The following COL4A6 variants were observed in gnomAD, a reference collection of about 807,000 sequenced individuals.
COL4A6 encodes the protein collagen alpha-6(IV) chain.
COL4A6 carries 59 observed loss-of-function variants against 126.7 expected under a neutral mutation model. The observed-to-expected ratio is 0.47, with a 90% confidence interval of 0.38 to 0.58. COL4A6 has a LOEUF of 0.58. COL4A6 is among the 20% of genes least tolerant of loss of function. COL4A6 has a pLI of 0.00. For synonymous variants in COL4A6, 547 were observed against 496.6 expected, an observed-to-expected ratio of 1.10 and a Z score of -1.35; for missense variants, 1,285 against 1,337.3, an observed-to-expected ratio of 0.96 and a Z score of 0.61.
intron 2 of COL4A6, among the ~76,000 whole-genome samples, chrX:108,417,534 C>T (rs922438616): frequency 1.8e-5 from 2 of 111,808 alleles, no homozygotes; most frequent in Non-Finnish European, 3.8e-5. Flanking sequence ...AAGCCTCTTA[C>T]TGCCACTGAA....
intron 2 of COL4A6, among the ~76,000 whole-genome samples, chrX:108,417,829 C>T (rs1046051210): frequency 9.0e-6 from 1 of 111,702 alleles, no homozygotes; most frequent in African/African-American, 3.3e-5. Context: ...AGTGGTATTT[C>T]TCATCCTTCA....
intron 2 of COL4A6, among the ~76,000 whole-genome samples, chrX:108,317,106 T>C (rs752593870): frequency 1.4e-3 from 153 of 112,315 alleles, no homozygotes; most frequent in Non-Finnish European, 2.7e-3. Context: ...GGATGATGGA[T>C]GTTTATAACA....
intron 3 of COL4A6, among the ~76,000 whole-genome samples, chrX:108,260,030 G>A (rs1477104394): frequency 9.1e-6 from 1 of 110,272 alleles, no homozygotes; most frequent in Non-Finnish European, 1.9e-5. Flanking sequence ...CTTATCATGA[G>A]TGTCGTATGC....
intron 2 of COL4A6, among the ~76,000 whole-genome samples, chrX:108,328,680 T>C (rs754466562): frequency 3.6e-5 from 4 of 111,958 alleles, no homozygotes; most frequent in Non-Finnish European, 5.6e-5. Flanking sequence ...AAATTAGAAA[T>C]AGAACTACTT....
intron 3 of COL4A6, among the ~76,000 whole-genome samples, chrX:108,280,763 G>A (rs1228398546): frequency 1.7e-3 from 192 of 111,147 alleles, no homozygotes; most frequent in Non-Finnish European, 2.8e-3. Context: ...CTGGCAAACC[G>A]AATCCAGCAG....
chrX:108,223,035 G>A (rs1768994065), intron 3 of COL4A6, among the ~76,000 whole-genome samples: 1 of 111,874 alleles, frequency 8.9e-6, no homozygotes, highest in South Asian at 3.8e-4. Flanking sequence ...TATACACCAT[G>A]GAATACTATG....
At chrX:108,420,897 A>G (rs1170733702) in intron 2 of COL4A6, among the ~76,000 whole-genome samples, 1 of 112,093 alleles carries the variant, frequency 8.9e-6, no homozygotes, top group Non-Finnish European at 1.9e-5. Flanking sequence ...CAAAAAGCTG[A>G]ATAAACAAGC....
chrX:108,159,039 G>C (rs1194825399), intron 44 of COL4A6, among the ~76,000 whole-genome samples: 2 of 111,754 alleles, frequency 1.8e-5, no homozygotes, highest in African/African-American at 6.5e-5. Context: ...GCAGAGGCCA[G>C]AGGGATCTGG....
rs2034585725 is a variant in COL4A6 at position 108,178,855 on chromosome X, G to A, written c.2354-10C>T. On this transcript the variant is annotated splice_polypyrimidine_tract_variant and intron_variant, in intron 26 of 44. Transcript: ENST00000334504. ...GGCTTCCCGTGCACACCTGATAAAA[G>A]AAAAGGGCAAATGATCACAGCCTGG... is the stretch of plus-strand genomic sequence containing the variant. 8.3e-6 allele frequency: 10 copies of A among 1,200,726 alleles called. No individual in the cohort carries two copies. The highest frequency in any genetic ancestry group is 1.1e-5 in the Non-Finnish European group (10 of 891,331).
intron 3 of COL4A6, among the ~76,000 whole-genome samples, chrX:108,239,805 AT>A (rs1165393008): frequency 1.8e-5 from 2 of 112,406 alleles, no homozygotes; most frequent in Non-Finnish European, 3.8e-5. Context: ...TCTTTGCAGC[AT>A]TTCTCAAATT....
intron 2 of COL4A6, among the ~76,000 whole-genome samples, chrX:108,316,103 C>T (rs2038875695): frequency 8.9e-6 from 1 of 111,787 alleles, no homozygotes; most frequent in African/African-American, 3.3e-5. Flanking sequence ...AAAAGGTAAC[C>T]CAGGAAGCAA....
chrX:108,252,826 C>T (rs1478681781), intron 3 of COL4A6, among the ~76,000 whole-genome samples: 1 of 111,608 alleles, frequency 9.0e-6, no homozygotes, highest in Non-Finnish European at 1.9e-5. Context: ...GGATTCTTCC[C>T]AGGGATGCAA....
intron 6 of COL4A6, among the ~76,000 whole-genome samples, chrX:108,212,104 C>T (rs1005297746): frequency 9.0e-6 from 1 of 111,448 alleles, no homozygotes; most frequent in Non-Finnish European, 1.9e-5. Flanking sequence ...CTGACAGAAC[C>T]TTTGTCTAGG....
At chrX:108,408,932 G>C (rs1390785469) in intron 2 of COL4A6, among the ~76,000 whole-genome samples, 1 of 112,009 alleles carries the variant, frequency 8.9e-6, no homozygotes, top group African/African-American at 3.2e-5. Flanking sequence ...TTGCACTCCA[G>C]CCTGGACAAC....
chrX:108,175,056 G>C (rs2034436032), intron 30 of COL4A6, 34 bp downstream of exon 30: 1 of 1,147,864 alleles, frequency 8.7e-7, no homozygotes, highest in African/African-American at 1.8e-5. Flanking sequence ...AGCCTCTCTT[G>C]AGCATTTCTC....
At chrX:108,178,536 T>G in intron 27 of COL4A6, 148 bp downstream of exon 27, 32 of 561,785 alleles carry the variant, frequency 5.7e-5, no homozygotes, top group Non-Finnish European at 8.2e-5. Flanking sequence ...AAGGGTGACT[T>G]GAGATTTGAA....
At chrX:108,277,761 C>T (rs1211307949) in intron 3 of COL4A6, among the ~76,000 whole-genome samples, 2 of 111,679 alleles carry the variant, frequency 1.8e-5, no homozygotes, top group Non-Finnish European at 3.8e-5. Context: ...CAGACTGACA[C>T]CTCACATGGC....
intron 3 of COL4A6, among the ~76,000 whole-genome samples, chrX:108,254,787 T>A (rs945872410): frequency 9.1e-6 from 1 of 110,389 alleles, no homozygotes. Flanking sequence ...GTTTTGCTTA[T>A]CTTGGGGGAA....
chrX:108,336,338 A>G (rs2039431746), intron 2 of COL4A6, among the ~76,000 whole-genome samples: 1 of 112,286 alleles, frequency 8.9e-6, no homozygotes, highest in Admixed American at 9.4e-5. Context: ...TGAAATTCTG[A>G]TACATATTAC....
Sources: allele counts gnomAD v4.1 joint callset (sites outside exome capture counted in the v4.1 genomes callset), GRCh38; gene constraint gnomAD v4.1.1; transcripts MANE v1.5; gene names NCBI Gene and HGNC (gene_info 2026-07-23, HGNC 2026-07-21).